Variants in SRGAP3 observed in about 807,000 individuals in gnomAD.
SRGAP3 encodes SLIT-ROBO Rho GTPase activating protein 3, also known as SLIT-ROBO Rho GTPase-activating protein 3.
SRGAP3 carries 39 observed loss-of-function variants against 121.1 expected under a neutral mutation model. That is an observed-to-expected ratio of 0.32 (90% CI 0.25 to 0.42). SRGAP3 has a LOEUF of 0.42. Ranked by LOEUF, SRGAP3 falls within the 10% of genes least tolerant of loss-of-function variation. The probability of loss-of-function intolerance (pLI) is 1.00; values close to 1 mark genes in which losing one functional copy is unlikely to be tolerated. For synonymous variants in SRGAP3, 601 were observed against 570.0 expected (o/e 1.05, Z -0.77); for missense variants, 1,213 against 1,470.6 (o/e 0.82, Z 2.86).
intron 1 of SRGAP3, among the ~76,000 whole-genome samples, chr3:9,137,256 C>G (rs1392388388): frequency 6.6e-6 from 1 of 152,148 alleles, no homozygotes. Flanking sequence ...CTTTCGCCAC[C>G]TCACGATTAT....
intron 3 of SRGAP3, among the ~76,000 whole-genome samples, chr3:9,089,292 C>CGGGGGGGG (rs58674136): frequency 4.2e-3 from 35 of 8,338 alleles, no homozygotes; most frequent in Non-Finnish European, 5.7e-3. Flanking sequence ...GTGGGGTGGG[C>CGGGGGGGG]GGGGGGGGGG....
intron 3 of SRGAP3, among the ~76,000 whole-genome samples, chr3:9,318,038 G>T (rs541570645): frequency 1.5e-4 from 23 of 152,022 alleles, no homozygotes; most frequent in African/African-American, 5.5e-4. Flanking sequence ...TATCCGACTA[G>T]AGTGGCAAAT....
intron 1 of SRGAP3, among the ~76,000 whole-genome samples, chr3:9,159,018 C>T (rs1396725569): frequency 1.3e-5 from 2 of 152,188 alleles, no homozygotes; most frequent in Non-Finnish European, 2.9e-5. Context: ...AGATGGAGCT[C>T]CTCTGATACC....
intron 1 of SRGAP3, among the ~76,000 whole-genome samples, chr3:9,142,095 T>C (rs1949874616): frequency 6.6e-6 from 1 of 152,252 alleles, no homozygotes; most frequent in Non-Finnish European, 1.5e-5. Flanking sequence ...GTTCCAGCCC[T>C]GCCTCAAGGC....
At chr3:9,125,103 G>T in intron 1 of SRGAP3, 186 bp from the exon 2 acceptor site, 2 of 678,006 alleles carry the variant, frequency 2.9e-6, no homozygotes, top group Non-Finnish European at 5.0e-6. Context: ...TTTCTCTCTT[G>T]CTCGTTTTTG....
chr3:9,254,085 C>A (rs1381674575), upstream of SRGAP3, among the ~76,000 whole-genome samples: 1 of 152,146 alleles, frequency 6.6e-6, no homozygotes, highest in African/African-American at 2.4e-5. Context: ...ACAATAGTTG[C>A]AACACCTATC....
At chr3:9,134,122 G>A (rs1949556962) in intron 1 of SRGAP3, among the ~76,000 whole-genome samples, 1 of 152,140 alleles carries the variant, frequency 6.6e-6, no homozygotes, top group Admixed American at 6.5e-5. Context: ...CCCCTTGCCT[G>A]CACCCTTGGA....
chr3:9,304,404 T>C (rs1955122652), intron 3 of SRGAP3, among the ~76,000 whole-genome samples: 1 of 152,106 alleles, frequency 6.6e-6, no homozygotes, highest in African/African-American at 2.4e-5. Context: ...CCAGAGTAGT[T>C]ACAAGAACGG....
At chr3:9,339,504 T>C (rs1047037043) in intron 1 of SRGAP3, among the ~76,000 whole-genome samples, 8 of 152,202 alleles carry the variant, frequency 5.3e-5, no homozygotes, top group Admixed American at 5.2e-4. Flanking sequence ...GTGGCCAACA[T>C]AAACATGTGC....
At chr3:9,098,903 A>G (rs1473638027) in intron 3 of SRGAP3, among the ~76,000 whole-genome samples, 2 of 152,068 alleles carry the variant, frequency 1.3e-5, no homozygotes, top group Non-Finnish European at 2.9e-5. Context: ...TCGCGACTTC[A>G]TCTCCCTGGG....
chr3:9,129,940 T>G (rs1448161415), intron 1 of SRGAP3, among the ~76,000 whole-genome samples: 3 of 152,070 alleles, frequency 2.0e-5, no homozygotes, highest in African/African-American at 7.2e-5. Context: ...TTTTGTATTT[T>G]TAGTAGAGAC....
intron 3 of SRGAP3, among the ~76,000 whole-genome samples, chr3:9,325,747 T>A (rs904854506): frequency 7.2e-5 from 11 of 152,016 alleles, no homozygotes; most frequent in African/African-American, 2.7e-4. Flanking sequence ...ACATTGGGCC[T>A]TCATCTTTTA....
chr3:9,101,449 T>G (rs1948211289), intron 3 of SRGAP3, among the ~76,000 whole-genome samples: 1 of 152,242 alleles, frequency 6.6e-6, no homozygotes, highest in African/African-American at 2.4e-5. Flanking sequence ...TGTGCTCACG[T>G]GACCCGTGCT....
chr3:9,121,135 G>A (rs1374113249), intron 2 of SRGAP3, among the ~76,000 whole-genome samples: 1 of 152,142 alleles, frequency 6.6e-6, no homozygotes, highest in African/African-American at 2.4e-5. Context: ...GATAGACCAA[G>A]TCAATCCTCT....
chr3:9,138,446 C>T (rs1040821085), intron 1 of SRGAP3, among the ~76,000 whole-genome samples: 1 of 152,160 alleles, frequency 6.6e-6, no homozygotes, highest in Non-Finnish European at 1.5e-5. Flanking sequence ...GGGTTGAAGA[C>T]ATGCTAGCAC....
rs562666805 is a variant in SRGAP3, at chr3:9,326,650, T to C, written n.284-482A>G. ...CTCCAATTTAGGTGCACAGCAGTGA[T>C]AACTACTGAGTTATCACAGGTAATT... On this transcript the variant is annotated intron_variant and non_coding_transcript_variant, in intron 2 of 3. Coordinates refer to the SRGAP3 transcript ENST00000490889. Among the ~76,000 whole-genome samples the C allele has an allele frequency of 1.3e-4, 19 of 151,846 alleles. 1 individual carries two copies. Among genetic ancestry groups the C allele is most frequent in the Non-Finnish European group, 2.5e-4 (17 of 67,998 alleles).
chr3:9,246,848 G>C (rs1953844375), intron 1 of SRGAP3, among the ~76,000 whole-genome samples: 1 of 152,224 alleles, frequency 6.6e-6, no homozygotes, highest in Non-Finnish European at 1.5e-5. Flanking sequence ...GTATTTGGAA[G>C]AGACAAGATC....
intron 3 of SRGAP3, among the ~76,000 whole-genome samples, chr3:9,082,584 CT>C (rs1196775044): frequency 6.6e-6 from 1 of 152,256 alleles, no homozygotes; most frequent in African/African-American, 2.4e-5. Context: ...CCAAGACATT[CT>C]CCCTGTTTGC....
chr3:9,297,809 T>C (rs1954977159), intron 3 of SRGAP3, among the ~76,000 whole-genome samples: 1 of 151,408 alleles, frequency 6.6e-6, no homozygotes, highest in African/African-American at 2.4e-5. Context: ...GGCACGAGAA[T>C]CGCTAGAACC....
Sources: gnomAD v4.1 joint callset for allele counts (sites outside exome capture counted in the v4.1 genomes callset) on GRCh38, gnomAD v4.1.1 for gene constraint, MANE v1.5 for transcripts, NCBI Gene and HGNC (gene_info 2026-07-23, HGNC 2026-07-21) for gene names.